SCAI: variants seen among roughly 807,000 people sequenced by gnomAD.
SCAI encodes the protein suppressor of cancer cell invasion, also known as protein SCAI.
In SCAI, 24 loss-of-function variants were observed where a neutral mutation model predicts 92.2. The observed-to-expected ratio is 0.26, with a 90% confidence interval of 0.19 to 0.37. SCAI has a LOEUF of 0.37. Among genes scored for constraint, SCAI ranks in the 10% least tolerant of loss-of-function variants. The probability of loss-of-function intolerance (pLI) is 1.00; values close to 1 mark genes in which losing one functional copy is unlikely to be tolerated. For missense variants in SCAI, 450 were observed against 736.2 expected (o/e 0.61, Z 4.50); for synonymous variants, 261 against 258.6 (o/e 1.01, Z -0.09).
At chr9:125,027,742 G>C (rs1383726321) in intron 5 of SCAI, among the ~76,000 whole-genome samples, 1 of 152,086 alleles carries the variant, frequency 6.6e-6, no homozygotes, top group East Asian at 1.9e-4. Context: ...TCAAACTCCT[G>C]ACCTCAGGTG....
At chr9:125,000,015 T>C (rs202195724) in intron 12 of SCAI, 25 bp from the exon 13 acceptor site, 4 of 1,167,028 alleles carry the variant, frequency 3.4e-6, no homozygotes, top group South Asian at 1.3e-5. Flanking sequence ...GGAAGAATCC[T>C]AGACTTCAGT....
At chr9:124,977,578 G>T (rs1831786693) in intron 14 of SCAI, among the ~76,000 whole-genome samples, 1 of 152,200 alleles carries the variant, frequency 6.6e-6, no homozygotes, top group Non-Finnish European at 1.5e-5. Context: ...GGAGGCTGAG[G>T]TGGTAGGATC....
intron 3 of SCAI, among the ~76,000 whole-genome samples, chr9:125,046,343 G>A (rs1183627153): frequency 6.6e-5 from 7 of 106,386 alleles, no homozygotes; most frequent in African/African-American, 2.1e-4. Context: ...ATATATATAT[G>A]TGTGTGTGTG....
Position 124,944,867 on chromosome 9 carries a change from CAGAAG to C in SCAI, c.*7935_*7939del, listed in dbSNP as rs896022481. On this transcript the variant is annotated 3_prime_UTR_variant, in exon 18 of 18. Coordinates refer to ENST00000336505, the MANE Select transcript of SCAI (RefSeq NM_001144877.3). ...GCAAAGTGGACATTCACAACAGCTT[CAGAAG>C]AGAAAAGAAAATCAGTGATATAACA... The C allele has an allele frequency of 1.3e-5, 2 of 152,126 alleles. No homozygotes were observed. The highest frequency in any genetic ancestry group is 2.4e-5 in the African/African-American group (1 of 41,414). The allele number at this position is 152,126 out of a possible 1,614,324, so 9.4% of individuals were successfully genotyped here. A position where few individuals can be genotyped will look rare whatever the true frequency, so the allele number is the denominator to read the frequency against.
Position 125,093,293 on chromosome 9 carries a change from G to A in SCAI, c.99-37286C>T, listed in dbSNP as rs548050550. 1.2e-3 allele frequency among the ~76,000 whole-genome samples: 186 copies of A among 152,128 alleles called. 1 individual carries two copies. Among genetic ancestry groups the A allele is most frequent in the African/African-American group, 4.1e-3 (171 of 41,530 alleles). ...GGAGAATTGCTTGAACCCAGGAGGGGAAGGCTGCAGTGAGCCAAGATCATG... is the reference window on the plus strand; with the variant it reads ...GGAGAATTGCTTGAACCCAGGAGGGAAAGGCTGCAGTGAGCCAAGATCATG... On this transcript the variant is annotated intron_variant, in intron 2 of 17. Coordinates refer to ENST00000336505, the MANE Select transcript of SCAI (RefSeq NM_001144877.3).
chr9:125,000,658 A>C (rs563398272), intron 12 of SCAI, among the ~76,000 whole-genome samples: 5 of 152,132 alleles, frequency 3.3e-5, no homozygotes, highest in Non-Finnish European at 7.4e-5. Context: ...TAAAGAATGA[A>C]ATCTTAGTCT....
chr9:125,081,741 T>G (rs1323764811), intron 2 of SCAI, among the ~76,000 whole-genome samples: 1 of 151,904 alleles, frequency 6.6e-6, no homozygotes, highest in Admixed American at 6.6e-5. Flanking sequence ...CCCAGCTAAT[T>G]TTTTATATTT....
Position 125,088,258 on chromosome 9 carries a change from T to C in SCAI, c.99-32251A>G, listed in dbSNP as rs1196793524. ...CTACAGATGCACACCACCATGCTGA[T>C]ATGGTTTGGATTTGTGTCACCACCC... On this transcript the variant is annotated intron_variant, in intron 2 of 17. Transcript: ENST00000336505. Among the ~76,000 whole-genome samples the C allele has an allele frequency of 3.9e-5, 6 of 152,222 alleles. No homozygotes were observed. In the South Asian group the frequency reaches 6.2e-4, roughly 16 times the overall value.
chr9:124,980,013 GCA>G (rs1459282697), intron 14 of SCAI, among the ~76,000 whole-genome samples: 13 of 146,898 alleles, frequency 8.8e-5, no homozygotes, highest in Admixed American at 2.1e-4. Context: ...TCGGACCACT[GCA>G]CTCCAGCCTG....
intron 17 of SCAI, among the ~76,000 whole-genome samples, chr9:124,959,551 T>A (rs568960532): frequency 3.1e-4 from 46 of 146,070 alleles, no homozygotes; most frequent in African/African-American, 5.9e-4. Context: ...TATATATATA[T>A]AAAATACTTT....
intron 14 of SCAI, among the ~76,000 whole-genome samples, chr9:124,978,760 A>G (rs974574659): frequency 6.6e-6 from 1 of 152,202 alleles, no homozygotes; most frequent in Non-Finnish European, 1.5e-5. Flanking sequence ...GAAATACAGG[A>G]TTGGTACAAT....
chr9:125,142,322 G>C (rs1835685848), intron 2 of SCAI: 2 of 216,328 alleles, frequency 9.2e-6, no homozygotes, highest in Admixed American at 5.7e-5. Flanking sequence ...AAACAGAGAT[G>C]CTGGAGAAAA....
At chr9:125,132,920 G>A (rs1342167129) in intron 2 of SCAI, among the ~76,000 whole-genome samples, 3 of 151,604 alleles carry the variant, frequency 2.0e-5, no homozygotes, top group South Asian at 4.2e-4. Flanking sequence ...AGCCAAGATC[G>A]CACCACTGCA....
At position 124,950,697 on chromosome 9, in the gene SCAI, G is replaced by A. The variant is rs1373498873; in HGVS notation, c.*2110C>T. On this transcript the variant is annotated 3_prime_UTR_variant, in exon 18 of 18. Transcript: ENST00000336505. ...CCACTAGCAAAGGAAATCTTTCCAG[G>A]GTAACTTTTCCCAAGCTTTCTGAAA... The A allele has an allele frequency of 6.6e-6, 1 of 151,960 alleles. No individual in the cohort carries two copies. The highest frequency in any genetic ancestry group is 2.4e-5 in the African/African-American group (1 of 41,354). 9.4% of individuals were successfully genotyped at this position (151,960 alleles called of 1,614,324 possible).
At chr9:124,992,416 C>T (rs1370590901) in intron 14 of SCAI, among the ~76,000 whole-genome samples, 1 of 151,224 alleles carries the variant, frequency 6.6e-6, no homozygotes, top group Non-Finnish European at 1.5e-5. Context: ...CAGAATCTCA[C>T]TCTGTCACCC....
At chr9:125,042,857 G>GGTTTTGTTT (rs1564390540) in intron 3 of SCAI, among the ~76,000 whole-genome samples, 1 of 115,902 alleles carries the variant, frequency 8.6e-6, no homozygotes, top group East Asian at 2.6e-4. Flanking sequence ...CTGCTCCCTG[G>GGTTTTGTTT]CTTTTTTTTT....
chr9:125,061,843 T>C (rs1447585361), intron 2 of SCAI, among the ~76,000 whole-genome samples: 6 of 151,056 alleles, frequency 4.0e-5, no homozygotes, highest in Admixed American at 2.6e-4. Context: ...AAAGGAAGAG[T>C]GTCCTTTAAG....
intron 1 of SCAI, among the ~76,000 whole-genome samples, 142 bp downstream of exon 1, chr9:125,143,220 GCCCGCGCCGCCGCCTGCAGGCGC>G (rs1301966378): frequency 6.6e-6 from 1 of 150,666 alleles, no homozygotes; most frequent in Non-Finnish European, 1.5e-5. Context: ...ATCGCGCCCA[GCCCGCGCCGCCGCCTGCAGGCGC>G]CCCCAAGGTC....
intron 2 of SCAI, among the ~76,000 whole-genome samples, chr9:125,128,994 C>T (rs942415137): frequency 6.6e-5 from 10 of 151,588 alleles, no homozygotes; most frequent in African/African-American, 2.4e-4. Flanking sequence ...ATCCAGGAGG[C>T]GGAGACTTCA....
Sources: gnomAD v4.1 joint callset for allele counts (sites outside exome capture counted in the v4.1 genomes callset) on GRCh38, gnomAD v4.1.1 for gene constraint, MANE v1.5 for transcripts, NCBI Gene and HGNC (gene_info 2026-07-23, HGNC 2026-07-21) for gene names.